Variants in RBL1 observed in about 807,000 individuals in gnomAD.
RBL1 encodes RB transcriptional corepressor like 1, also known as retinoblastoma-like protein 1.
RBL1 carries 82 observed loss-of-function variants against 123.0 expected under a neutral mutation model. That is an observed-to-expected ratio of 0.67 (90% confidence interval 0.56 to 0.80). The LOEUF is 0.80. Ranked by LOEUF, RBL1 falls within the 30% of genes least tolerant of loss-of-function variation. RBL1 has a pLI of 0.00. For missense variants in RBL1, 1,171 were observed against 1,299.6 expected (o/e 0.90, Z 1.52); for synonymous variants, 405 against 441.3 (o/e 0.92, Z 1.03).
rs201498053 is a variant in RBL1, at chr20:37,061,220, C to T, written c.1133G>A (p.Arg378Gln). The change falls in exon 9 of 22, where the codon CGA (arginine) becomes CAA (glutamine). Residue 378 changes from arginine (R) to glutamine (Q), a missense_variant. By Grantham distance (43) the Arg-to-Gln change is conservative. Transcript: ENST00000373664. Reference sequence around the variant, plus strand: ...AGGAGTAATGACTGCTTCTTTTTCTCGTAAATATCTCCGTCCGGTCAGTGG... The same window carrying T: ...AGGAGTAATGACTGCTTCTTTTTCTTGTAAATATCTCCGTCCGGTCAGTGG... ...STPLTGRRYL[R>Q]EKEAVITPVA... 1.9e-4 allele frequency: 313 copies of T among 1,614,026 alleles called. No individual in the cohort carries two copies. Among genetic ancestry groups the T allele is most frequent in the Middle Eastern group, 1.3e-3 (8 of 6,062 alleles).
chr20:37,067,856 T>C (rs933118591), intron 3 of RBL1, 130 bp downstream of exon 3: 12 of 1,048,768 alleles, frequency 1.1e-5, no homozygotes, highest in Admixed American at 2.9e-5. Context: ...TAATTGTACA[T>C]GGATTTAAAA....
chr20:37,081,551 A>G (rs1480049518), intron 2 of RBL1, among the ~76,000 whole-genome samples: 1 of 152,164 alleles, frequency 6.6e-6, no homozygotes, highest in Non-Finnish European at 1.5e-5. Context: ...CCAGCTACTT[A>G]GGTCACTGAG....
At chr20:37,012,694 G>C (rs2064178631) in intron 19 of RBL1, among the ~76,000 whole-genome samples, 1 of 151,630 alleles carries the variant, frequency 6.6e-6, no homozygotes, top group Non-Finnish European at 1.5e-5. Context: ...GAGGGAGGTG[G>C]GGGTCAACCC....
intron 11 of RBL1, 67 bp downstream of exon 11, chr20:37,055,486 T>A: frequency 6.2e-7 from 1 of 1,609,008 alleles, no homozygotes; most frequent in Non-Finnish European, 8.5e-7. Flanking sequence ...TTACAGAGCC[T>A]CTCAAAACAC....
In RBL1 at chr20:37,047,103, A is replaced by T; in HGVS notation, c.1555T>A (p.Phe519Ile). Reference sequence around the variant, plus strand: ...TTGAGAACTTCAATAATCCAAGGAAAAGTACGAGGTGAGCTATAGGCAAAG... The same window carrying T: ...TTGAGAACTTCAATAATCCAAGGAATAGTACGAGGTGAGCTATAGGCAAAG... ...VLFAYSSPRT[F>I]PWIIEVLNLQ... Residue 519 changes from phenylalanine (F) to isoleucine (I), a missense_variant, in exon 12 of 22, where the codon TTT becomes ATT. Transcript: ENST00000373664. 6.2e-7 allele frequency: 1 copy of T among 1,601,742 alleles called. No individual in the cohort carries two copies. The highest frequency in any genetic ancestry group is 2.2e-5 in the East Asian group (1 of 44,498).
rs1353177099 is a variant in RBL1 at position 37,095,840 on chromosome 20, A to G, written c.89T>C (p.Leu30Pro). The G allele has an allele frequency of 6.2e-7, 1 of 1,608,648 alleles. No homozygotes were observed. The highest frequency in any genetic ancestry group is 8.5e-7 in the Non-Finnish European group (1 of 1,178,332). Residue 30 changes from leucine to proline, a missense_variant, in exon 1 of 22, where the codon CTG becomes CCG. Coordinates refer to ENST00000373664, the MANE Select transcript of RBL1 (RefSeq NM_002895.5). The part of the protein sequence containing the change: ...ALQALCQELN[L>P]DEGSAAEALD... ...GGCTTCGGCCGCGCTCCCCTCGTCC[A>G]GGTTCAGCTCCTGGCACAGGGCCTG...
chr20:37,003,000 A>G (rs573636239), intron 21 of RBL1, among the ~76,000 whole-genome samples: 1 of 152,314 alleles, frequency 6.6e-6, no homozygotes, highest in South Asian at 2.1e-4. Flanking sequence ...CTAGGATTAC[A>G]GGCTTGAGTC....
At chr20:37,047,230 A>C (rs916048148) in intron 11 of RBL1, 40 bp from the exon 12 acceptor site, 1 of 1,559,854 alleles carries the variant, frequency 6.4e-7, no homozygotes, top group African/African-American at 1.4e-5. Flanking sequence ...ATTTTTCAGC[A>C]ATTTCAGTCT....
chr20:37,015,240 C>T (rs1034849315), intron 19 of RBL1, among the ~76,000 whole-genome samples: 1 of 152,078 alleles, frequency 6.6e-6, no homozygotes, highest in Non-Finnish European at 1.5e-5. Context: ...CTTACTTCTA[C>T]TCTCTGGAAC....
At chr20:37,079,822 C>A (rs892876361) in intron 2 of RBL1, among the ~76,000 whole-genome samples, 1 of 152,070 alleles carries the variant, frequency 6.6e-6, no homozygotes. Flanking sequence ...ACTATGGTGA[C>A]TTTTCTGAAG....
intron 19 of RBL1, among the ~76,000 whole-genome samples, chr20:37,017,228 G>A (rs6017004): frequency 1.2e-4 from 18 of 151,784 alleles, no homozygotes; most frequent in African/African-American, 4.3e-4. Flanking sequence ...ATAAAAATTC[G>A]CCAGGGTGAT....
intron 14 of RBL1, among the ~76,000 whole-genome samples, chr20:37,035,911 CCT>C (rs1365677756): frequency 6.6e-6 from 1 of 152,098 alleles, no homozygotes. Context: ...CACAGTTTTG[CCT>C]CTTTGTGAAT....
At chr20:37,082,114 G>A (rs2065462158) in intron 2 of RBL1, 2 of 434,936 alleles carry the variant, frequency 4.6e-6, no homozygotes, top group Admixed American at 2.7e-5. Context: ...CCCTCACTAA[G>A]GGACAACGCA....
At chr20:36,999,876 G>C (rs374167999) in intron 21 of RBL1, among the ~76,000 whole-genome samples, 20 of 152,208 alleles carry the variant, frequency 1.3e-4, no homozygotes, top group African/African-American at 4.8e-4. Flanking sequence ...CCTTGGCCCC[G>C]CAAAGTGCCG....
intron 9 of RBL1, among the ~76,000 whole-genome samples, chr20:37,060,160 G>A (rs538370851): frequency 6.6e-6 from 1 of 150,836 alleles, no homozygotes; most frequent in South Asian, 2.1e-4. Flanking sequence ...CAACAAGAGT[G>A]AAACTCTGTC....
chr20:37,069,604 A>G (rs1228821647), intron 2 of RBL1, among the ~76,000 whole-genome samples: 5 of 132,868 alleles, frequency 3.8e-5, no homozygotes, highest in East Asian at 4.5e-4. Context: ...CTGCCCGGCA[A>G]CCGCCCCGTC....
chr20:37,001,782 A>G (rs540147813), intron 21 of RBL1, among the ~76,000 whole-genome samples: 32 of 151,694 alleles, frequency 2.1e-4, no homozygotes, highest in Non-Finnish European at 4.0e-4. Context: ...AAAAAAAAAA[A>G]AAAAGAAAAA....
chr20:37,035,385 G>A lies in RBL1; in HGVS notation c.2027C>T (p.Thr676Ile), dbSNP rs2064591926. ...AGCGATTTTCAATTTTGTTCCTTCT[G>A]TTATGATCTTGTCCATAAGCATTTC... ...PKEMLMDKII[T>I]EGTKLKIAPS... is the part of the protein sequence containing the mutation. The change falls in exon 15 of 22, where the codon ACA (threonine) becomes ATA (isoleucine). Residue 676 changes from threonine (T) to isoleucine (I), a missense_variant. Coordinates refer to ENST00000373664, the MANE Select transcript of RBL1 (RefSeq NM_002895.5). 2.5e-6 allele frequency: 4 copies of A among 1,614,054 alleles called. No individual in the cohort carries two copies. Among genetic ancestry groups the A allele is most frequent in the Non-Finnish European group, 3.4e-6 (4 of 1,179,996 alleles).
intron 21 of RBL1, among the ~76,000 whole-genome samples, chr20:36,999,964 T>C (rs1199515636): frequency 6.7e-6 from 1 of 148,392 alleles, no homozygotes; most frequent in African/African-American, 2.5e-5. Flanking sequence ...TCGTCTGGGA[T>C]GTGAGGAGCC....
Sources: gnomAD v4.1 joint callset for allele counts (sites outside exome capture counted in the v4.1 genomes callset) on GRCh38, gnomAD v4.1.1 for gene constraint, MANE v1.5 for transcripts, NCBI Gene and HGNC (gene_info 2026-07-23, HGNC 2026-07-21) for gene names.